MYCBP: variants seen among roughly 807,000 people sequenced by gnomAD.
The protein encoded by MYCBP is C-Myc-binding protein.
In MYCBP, 5 loss-of-function variants were observed where a neutral mutation model predicts 16.8. The observed-to-expected ratio is 0.30, with a 90% CI of 0.16 to 0.63. The LOEUF (loss-of-function observed/expected upper bound fraction) is 0.63. Ranked by LOEUF, MYCBP falls within the 20% of genes least tolerant of loss-of-function variation. The pLI is 0.83. For missense variants in MYCBP, 103 were observed against 121.8 expected, an observed-to-expected ratio of 0.85 and a Z score of 0.73; for synonymous variants, 35 against 43.7, an observed-to-expected ratio of 0.80 and a Z score of 0.79.
Position 38,867,626 on chromosome 1 carries a change from C to T in MYCBP, c.89-16G>A, listed in dbSNP as rs1156760407. ...GCTACCAACACTGCAAATCAAAAAG[C>T]AGAAAAAGCAACAATTGACGTATTA... On this transcript the variant is annotated splice_polypyrimidine_tract_variant and intron_variant, in intron 2 of 4. Transcript: ENST00000397572. The T allele has an allele frequency of 6.2e-7, 1 of 1,611,574 alleles. No homozygotes were observed. The highest frequency in any genetic ancestry group is 2.2e-5 in the East Asian group (1 of 44,856).
intron 2 of MYCBP, among the ~76,000 whole-genome samples, 180 bp from the exon 3 acceptor site, chr1:38,867,790 A>T (rs1642371121): frequency 1.3e-5 from 2 of 152,342 alleles, no homozygotes; most frequent in South Asian, 4.1e-4. Context: ...AGTCAAGCAT[A>T]AAAGATATGC....
In MYCBP at chr1:38,864,624, A is replaced by G; in HGVS notation, c.*46T>C. 6.3e-7 allele frequency: 1 copy of G among 1,583,490 alleles called. No individual in the cohort carries two copies. Among genetic ancestry groups the G allele is most frequent in the Non-Finnish European group, 8.7e-7 (1 of 1,152,132 alleles). On this transcript the variant is annotated 3_prime_UTR_variant, in exon 5 of 5. Coordinates refer to ENST00000397572, the MANE Select transcript of MYCBP (RefSeq NM_012333.5). ...GATTATATACTATACAAACTATTCA[A>G]GTCATACAAAACCATTTTTCATTGT...
chr1:38,868,621 T>C (rs1642387048), intron 2 of MYCBP, among the ~76,000 whole-genome samples: 1 of 152,032 alleles, frequency 6.6e-6, no homozygotes, highest in African/African-American at 2.4e-5. Flanking sequence ...ACAAAAAAAA[T>C]GTGGCTGGGC....
At chr1:38,871,960 T>G (rs1019933472) in intron 2 of MYCBP, among the ~76,000 whole-genome samples, 6 of 152,298 alleles carry the variant, frequency 3.9e-5, no homozygotes, top group Middle Eastern at 3.4e-3. Flanking sequence ...CTGTGACACT[T>G]TCAGAGACAA....
chr1:38,864,463 T>G lies in MYCBP; in HGVS notation c.*207A>C. On this transcript the variant is annotated 3_prime_UTR_variant, in exon 5 of 5. Coordinates refer to ENST00000397572, the MANE Select transcript of MYCBP (RefSeq NM_012333.5). ...GGCTGTGTTTAGGTTTTGTTCAGGA[T>G]TTACTTTGGATTCTCCTGCTTTAAG... is the stretch of plus-strand genomic sequence containing the variant. 1 of 592,292 alleles carries G rather than the reference T, an allele frequency of 1.7e-6. No individual in the cohort carries two copies. The highest frequency in any genetic ancestry group is 2.1e-5 in the South Asian group (1 of 48,244). 36.7% of individuals were successfully genotyped at this position (592,292 alleles called of 1,614,324 possible).
chr1:38,873,204 C>T (rs1035033304), intron 1 of MYCBP, 87 bp downstream of exon 1: 12 of 1,570,052 alleles, frequency 7.6e-6, no homozygotes, highest in Admixed American at 5.5e-5. Flanking sequence ...CCCGCCCAAA[C>T]CTGCGCGCGC....
intron 2 of MYCBP, among the ~76,000 whole-genome samples, chr1:38,871,210 A>G (rs1345198603): frequency 6.6e-6 from 1 of 152,196 alleles, no homozygotes; most frequent in Non-Finnish European, 1.5e-5. Context: ...GCTGCACTCC[A>G]GCCTGGGCAA....
Position 38,864,654 on chromosome 1 carries a change from C to G in MYCBP, c.*16G>C, listed in dbSNP as rs1405930413. The G allele has an allele frequency of 2.5e-6, 4 of 1,613,592 alleles. No individual in the cohort carries two copies. The highest frequency in any genetic ancestry group is 3.4e-6 in the Non-Finnish European group (4 of 1,179,610). On this transcript the variant is annotated 3_prime_UTR_variant, in exon 5 of 5. Transcript: ENST00000397572. ...TACAAAACCATTTTTCATTGTCTTT[C>G]AAACTGAGAAGAATCCTATTCAGCA...
intron 2 of MYCBP, among the ~76,000 whole-genome samples, chr1:38,869,900 G>C (rs1642423013): frequency 6.6e-6 from 1 of 151,928 alleles, no homozygotes; most frequent in Non-Finnish European, 1.5e-5. Context: ...CAGGCATGAT[G>C]GCTCACGCCT....
intron 2 of MYCBP, among the ~76,000 whole-genome samples, chr1:38,872,366 G>A (rs1447839260): frequency 6.6e-6 from 1 of 152,194 alleles, no homozygotes; most frequent in Non-Finnish European, 1.5e-5. Flanking sequence ...ACTTAACTTA[G>A]ATCTTGAAGC....
At chr1:38,864,787 C>A (rs1642303573) in intron 4 of MYCBP, 73 bp from the exon 5 acceptor site, 1 of 1,388,046 alleles carries the variant, frequency 7.2e-7, no homozygotes, top group Non-Finnish European at 1.0e-6. Context: ...AACAAGGTAA[C>A]TGTTATATTC....
At chr1:38,867,859 C>A (rs550971367) in intron 2 of MYCBP, among the ~76,000 whole-genome samples, 5 of 152,326 alleles carry the variant, frequency 3.3e-5, no homozygotes, top group African/African-American at 9.6e-5. Context: ...CAGTAGCACA[C>A]TGGAAGAACA....
At chr1:38,867,653 A>G in intron 2 of MYCBP, 43 bp from the exon 3 acceptor site, 1 of 1,560,572 alleles carries the variant, frequency 6.4e-7, no homozygotes, top group East Asian at 2.2e-5. Context: ...GACGTATTAA[A>G]TTTGAATGGC....
intron 2 of MYCBP, among the ~76,000 whole-genome samples, chr1:38,870,169 C>CA (rs1221257996): frequency 0.43 from 33,436 of 77,046 alleles, 7,611 homozygotes; most frequent in Non-Finnish European, 0.51. Context: ...GACTCCGTCT[C>CA]AAAAAAAAAA....
chr1:38,873,293 T>C lies in MYCBP; in HGVS notation c.13A>G (p.Lys5Glu), dbSNP rs1642508293. 6.2e-7 allele frequency: 1 copy of C among 1,603,066 alleles called. No homozygotes were observed. Among genetic ancestry groups the C allele is most frequent in the Non-Finnish European group, 8.5e-7 (1 of 1,178,848 alleles). MAHY[K>E]AADSKREQFR... ...CAGCCACGCCGCGCCCCCCTCACTT[T>C]GTAATGGGCCATAGTGACAGCGGCA... Residue 5 changes from lysine (K) to glutamate (E), a missense_variant and splice_region_variant, in exon 1 of 5, where the codon AAA (lysine) becomes GAA (glutamate). Transcript: ENST00000397572.
chr1:38,865,075 T>C (rs1053741860), intron 4 of MYCBP, among the ~76,000 whole-genome samples: 3 of 152,196 alleles, frequency 2.0e-5, no homozygotes, highest in African/African-American at 7.2e-5. Context: ...CACTGAAAAG[T>C]AGATAAAGAG....
chr1:38,873,301 G>T lies in MYCBP; in HGVS notation c.5C>A (p.Ala2Asp). ...CCGCGCCCCCCTCACTTTGTAATGG[G>T]CCATAGTGACAGCGGCAGCGGCGTA... M[A>D]HYKAADSKRE... The change falls in exon 1 of 5, where the codon GCC becomes GAC. Residue 2 changes from alanine to aspartate, a missense_variant. By Grantham distance (126) the Ala-to-Asp change is moderately radical. Transcript: ENST00000397572. 1 of 1,603,160 alleles carries T rather than the reference G, an allele frequency of 6.2e-7. No individual in the cohort carries two copies.
chr1:38,872,930 C>A, intron 2 of MYCBP, 88 bp downstream of exon 2: 1 of 1,449,654 alleles, frequency 6.9e-7, no homozygotes, highest in Non-Finnish European at 9.4e-7. Context: ...GTTTCCCCTC[C>A]TTCCCCACGC....
At chr1:38,866,044 C>CTTTTTTT (rs71057153) in intron 4 of MYCBP, among the ~76,000 whole-genome samples, 10,206 of 65,244 alleles carry the variant, frequency 0.16, 1,886 homozygotes, top group Non-Finnish European at 0.18. Flanking sequence ...CTAAGAACCT[C>CTTTTTTT]TTTTTTTTTT....
Sources: gnomAD v4.1 joint callset for allele counts (sites outside exome capture counted in the v4.1 genomes callset) on GRCh38, gnomAD v4.1.1 for gene constraint, MANE v1.5 for transcripts, NCBI Gene and HGNC (gene_info 2026-07-23, HGNC 2026-07-21) for gene names.